The following F8 variants were observed in gnomAD, a reference collection of about 807,000 sequenced individuals.
F8 encodes coagulation factor VIII.
A neutral mutation model predicts 140.6 loss-of-function variants in F8; 12 were observed. That is an observed-to-expected ratio of 0.09 (90% CI 0.05 to 0.14). F8 has a LOEUF of 0.14. F8 is among the 10% of genes least tolerant of loss of function. F8 has a pLI of 1.00. For synonymous variants in F8, 585 were observed against 614.6 expected, an observed-to-expected ratio of 0.95 and a Z score of 0.71; for missense variants, 1,354 against 1,720.7, an observed-to-expected ratio of 0.79 and a Z score of 3.77.
At chrX:154,946,345 C>T (rs2073304385) in intron 13 of F8, among the ~76,000 whole-genome samples, 1 of 112,044 alleles carries the variant, frequency 8.9e-6, no homozygotes, top group South Asian at 3.7e-4. Flanking sequence ...GCTGTAGTAA[C>T]AAAAACAGCA....
intron 22 of F8, among the ~76,000 whole-genome samples, chrX:154,872,280 C>T (rs1040907931): frequency 1.8e-5 from 2 of 111,583 alleles, no homozygotes; most frequent in Admixed American, 9.6e-5. Flanking sequence ...TTCACAATAG[C>T]GAAGACTTGG....
intron 13 of F8, among the ~76,000 whole-genome samples, chrX:154,935,577 C>A (rs782198893): frequency 2.7e-5 from 3 of 111,811 alleles, no homozygotes; most frequent in Non-Finnish European, 5.6e-5. Context: ...CTACAACTAT[C>A]AAACTCTTAG....
chrX:154,920,291 G>A (rs1279016702), intron 14 of F8: 1 of 108,687 alleles, frequency 9.2e-6, no homozygotes, highest in African/African-American at 3.4e-5. Context: ...TTTCTGTAGT[G>A]GTATGCTTTG....
intron 25 of F8, among the ~76,000 whole-genome samples, chrX:154,846,877 A>C (rs1297931665): frequency 6.3e-5 from 7 of 111,933 alleles, no homozygotes; most frequent in South Asian, 7.4e-4. Flanking sequence ...TCTTCCTAGC[A>C]TCGATGGTCT....
At chrX:155,003,697 G>A (rs1447960528) in intron 1 of F8, among the ~76,000 whole-genome samples, 1 of 111,488 alleles carries the variant, frequency 9.0e-6, no homozygotes, top group African/African-American at 3.3e-5. Context: ...GGTGGCTCAC[G>A]CCTGTAATCC....
At chrX:154,947,979 T>C in intron 12 of F8, 72 bp from the exon 13 acceptor site, 2 of 811,493 alleles carry the variant, frequency 2.5e-6, no homozygotes, top group Non-Finnish European at 3.7e-6. Context: ...ATTGTCATGA[T>C]ACAATTAGGA....
Position 154,982,689 on chromosome X carries a change from A to G in F8, c.787+1998T>C, listed in dbSNP as rs184217255. Among the ~76,000 whole-genome samples the G allele has an allele frequency of 4.7e-3, 522 of 110,843 alleles. 3 individuals carry two copies. Among genetic ancestry groups the G allele is most frequent in the African/African-American group, 0.016 (487 of 30,496 alleles). On this transcript the variant is annotated intron_variant, in intron 6 of 25. Coordinates refer to ENST00000360256, the MANE Select transcript of F8 (RefSeq NM_000132.4). ...GCAACTGCATAAAATTAACGGTAGT[A>G]GCCATCTCCTATTGTTATTGTGCTG...
chrX:154,880,720 GACA>G (rs2072853542), intron 22 of F8, among the ~76,000 whole-genome samples: 1 of 111,861 alleles, frequency 8.9e-6, no homozygotes. Context: ...GAGGATAGAG[GACA>G]ACATTTACCT....
At chrX:154,881,489 C>T (rs2072860024) in intron 22 of F8, among the ~76,000 whole-genome samples, 1 of 109,726 alleles carries the variant, frequency 9.1e-6, no homozygotes, top group Non-Finnish European at 1.9e-5. Context: ...ACTCTTTATA[C>T]ACTATGACCA....
In F8 at chrX:154,928,865, T is replaced by C. The variant is rs782055986; in HGVS notation, c.4925A>G (p.Glu1642Gly). The change falls in exon 14 of 26, where the codon GAA becomes GGA. Residue 1642 changes from glutamate (E) to glycine (G), a missense_variant. By Grantham distance (98) the Glu-to-Gly change is moderately conservative (BLOSUM62 -2). Transcript: ENST00000360256. ...CCTACCTTGCTTTGCCCAGGTGACT[T>C]CTATTTCGGGCTTATTTTGTCCCTC... Reference protein sequence around the residue: ...INEGQNKPEIEVTWAKQGRTE... With the variant: ...INEGQNKPEIGVTWAKQGRTE... 9.1e-6 allele frequency: 11 copies of C among 1,210,108 alleles called. No homozygotes were observed. The highest frequency in any genetic ancestry group is 3.0e-5 in the East Asian group (1 of 33,789).
rs199902295 is a variant in F8 at position 154,957,044 on chromosome X, G to A, written c.1665C>T (p.Phe555=). 2.5e-6 allele frequency: 3 copies of A among 1,208,114 alleles called. No individual in the cohort carries two copies. The highest frequency in any genetic ancestry group is 3.4e-6 in the Non-Finnish European group (3 of 893,824). The change falls in exon 11 of 26, where the codon TTC becomes TTT. Residue 555 remains phenylalanine, a synonymous_variant. Coordinates refer to ENST00000360256, the MANE Select transcript of F8 (RefSeq NM_000132.4). ...AAGCTAGATCTCTCTCCATATTAAC[G>A]AAACTAGAGTAATAGCGGGTCAGGC... ...PRCLTRYYSS[F]VNMERDLASG...
At chrX:154,875,543 T>A (rs1313833554) in intron 22 of F8, among the ~76,000 whole-genome samples, 1 of 112,035 alleles carries the variant, frequency 8.9e-6, no homozygotes, top group Non-Finnish European at 1.9e-5. Flanking sequence ...AAAGATTTTT[T>A]AAAAGAGATG....
At chrX:154,957,200 C>A in intron 10 of F8, 29 bp from the exon 11 acceptor site, 1 of 1,061,937 alleles carries the variant, frequency 9.4e-7, no homozygotes, top group South Asian at 1.9e-5. Context: ...ATAAATAGCT[C>A]AATTAGAGTA....
In F8 at chrX:154,879,333, C is replaced by A. The variant is rs190158683; in HGVS notation, c.6430-16106G>T. On this transcript the variant is annotated intron_variant, in intron 22 of 25. Transcript: ENST00000360256. ...ATAGAATTAAGAAGCAAGAAATAAA[C>A]CCATAAATATATTCATGGGTATGTA... 8.2e-3 allele frequency among the ~76,000 whole-genome samples: 922 copies of A among 111,889 alleles called. 8 individuals carry two copies. The highest frequency in any genetic ancestry group is 0.028 in the African/African-American group (870 of 30,741).
At chrX:154,959,173 C>T (rs960316603) in intron 10 of F8, among the ~76,000 whole-genome samples, 37 of 110,497 alleles carry the variant, frequency 3.3e-4, no homozygotes, top group African/African-American at 1.2e-3. Flanking sequence ...CTCAGGAGTT[C>T]GACACCAGTC....
intron 25 of F8, among the ~76,000 whole-genome samples, chrX:154,852,361 C>G (rs1266929261): frequency 8.9e-6 from 1 of 111,945 alleles, no homozygotes; most frequent in Non-Finnish European, 1.9e-5. Context: ...TGTGAGCCAC[C>G]ACATCCAGCC....
intron 13 of F8, among the ~76,000 whole-genome samples, chrX:154,945,027 G>T (rs1388108087): frequency 1.8e-5 from 2 of 110,268 alleles, no homozygotes; most frequent in Non-Finnish European, 3.8e-5. Flanking sequence ...TGTGGGGTGG[G>T]GGAAGGGGAG....
intron 1 of F8, among the ~76,000 whole-genome samples, chrX:155,002,293 T>A (rs2073650393): frequency 8.9e-6 from 1 of 112,436 alleles, no homozygotes; most frequent in Admixed American, 9.4e-5. Flanking sequence ...TAAACATGGA[T>A]ATGATGGTTA....
chrX:155,003,447 C>G lies in F8; in HGVS notation c.144-3847G>C, dbSNP rs1557285830. On this transcript the variant is annotated intron_variant, in intron 1 of 25. Transcript: ENST00000360256. ...AGACTGAAAAAAAAAAAAACACCAA[C>G]AACAACGGCAGAGGCTATGCATGGG... 3.8e-5 allele frequency among the ~76,000 whole-genome samples: 4 copies of G among 104,971 alleles called. No individual in the cohort carries two copies. In the South Asian group the frequency reaches 1.6e-3, roughly 43 times the overall value. 91.2% of individuals were successfully genotyped at this position (104,971 alleles called of 115,157 possible).
Sources: allele counts gnomAD v4.1 joint callset (sites outside exome capture counted in the v4.1 genomes callset), GRCh38; gene constraint gnomAD v4.1.1; transcripts MANE v1.5; gene names NCBI Gene and HGNC (gene_info 2026-07-23, HGNC 2026-07-21).